The following ZNF492 variants were observed in gnomAD, a reference collection of about 807,000 sequenced individuals.
The protein encoded by ZNF492 is zinc finger protein 115 (Y20).
ZNF492 carries 3 observed loss-of-function variants against 6.4 expected under a neutral mutation model. That is an observed-to-expected ratio of 0.47 (90% CI 0.21 to 1.22). The LOEUF is 1.22. ZNF492 is among the 50% of genes most tolerant of loss of function. ZNF492 has a pLI of 0.22. For synonymous variants in ZNF492, 112 were observed against 205.3 expected, an observed-to-expected ratio of 0.55 and a Z score of 3.89; for missense variants, 356 against 612.5, an observed-to-expected ratio of 0.58 and a Z score of 4.42.
intron 3 of ZNF492, among the ~76,000 whole-genome samples, chr19:22,654,575 A>G (rs980828617): frequency 6.4e-5 from 9 of 141,342 alleles, no homozygotes; most frequent in East Asian, 2.1e-4. Flanking sequence ...TTGTAAGTCT[A>G]TGTGAGAATT....
intron 1 of ZNF492, among the ~76,000 whole-genome samples, chr19:22,638,062 CTT>C (rs200800574): frequency 6.6e-6 from 1 of 151,746 alleles, no homozygotes; most frequent in African/African-American, 2.4e-5. Flanking sequence ...CTTTTTAGGT[CTT>C]TTTTTTCCTG....
intron 3 of ZNF492, among the ~76,000 whole-genome samples, chr19:22,662,177 T>C (rs917766608): frequency 8.3e-4 from 127 of 152,148 alleles, no homozygotes; most frequent in African/African-American, 2.8e-3. Context: ...AGTGAGAACA[T>C]GTGGTGTTTG....
At chr19:22,643,230 T>A (rs73030508) in intron 1 of ZNF492, among the ~76,000 whole-genome samples, 1 of 151,846 alleles carries the variant, frequency 6.6e-6, no homozygotes. Context: ...GCGCACATCT[T>A]GTCACTGCAC....
chr19:22,650,391 T>C (rs968988691), intron 1 of ZNF492, among the ~76,000 whole-genome samples: 1 of 151,626 alleles, frequency 6.6e-6, no homozygotes, highest in African/African-American at 2.4e-5. Flanking sequence ...TCTCACCCAG[T>C]TGGGTGGCAT....
At chr19:22,654,749 G>A (rs546897269) in intron 3 of ZNF492, among the ~76,000 whole-genome samples, 6 of 150,792 alleles carry the variant, frequency 4.0e-5, no homozygotes, top group South Asian at 2.1e-4. Context: ...ATACAGGCGC[G>A]AGCCACCATG....
At chr19:22,647,634 A>G (rs941800759) in intron 1 of ZNF492, among the ~76,000 whole-genome samples, 9 of 137,702 alleles carry the variant, frequency 6.5e-5, no homozygotes, top group African/African-American at 2.2e-4. Context: ...TTTCATGTCT[A>G]TCTCCTTCAG....
intron 3 of ZNF492, 56 bp downstream of exon 3, chr19:22,654,071 GAAAA>G: frequency 3.5e-6 from 4 of 1,158,288 alleles, no homozygotes; most frequent in South Asian, 1.9e-5. Context: ...CTCCAAAGTA[GAAAA>G]AAAAAAAAGC....
At chr19:22,636,562 GTGTA>G (rs1457617936) in intron 1 of ZNF492, among the ~76,000 whole-genome samples, 1 of 149,454 alleles carries the variant, frequency 6.7e-6, no homozygotes, top group Non-Finnish European at 1.5e-5. Flanking sequence ...GTGTGCGTGT[GTGTA>G]TGTGTGTTTT....
At chr19:22,648,738 G>A (rs1420598628) in intron 1 of ZNF492, among the ~76,000 whole-genome samples, 1 of 152,156 alleles carries the variant, frequency 6.6e-6, no homozygotes, top group Admixed American at 6.5e-5. Context: ...TTGGTTTAAA[G>A]TCTGTTTTGT....
At chr19:22,650,793 A>T (rs1176606230) in intron 1 of ZNF492, among the ~76,000 whole-genome samples, 1 of 152,134 alleles carries the variant, frequency 6.6e-6, no homozygotes, top group East Asian at 1.9e-4. Context: ...AAGCATGGCC[A>T]GGAGCTATAG....
intron 3 of ZNF492, among the ~76,000 whole-genome samples, chr19:22,662,025 G>T (rs1244411568): frequency 6.6e-6 from 1 of 151,998 alleles, no homozygotes; most frequent in Admixed American, 6.6e-5. Context: ...CATGTGCCCA[G>T]CGTGCAGTTA....
Position 22,665,314 on chromosome 19 carries a change from G to A in ZNF492, c.*49G>A, listed in dbSNP as rs1229005389. 1.3e-6 allele frequency: 2 copies of A among 1,496,036 alleles called. No homozygotes were observed. The highest frequency in any genetic ancestry group is 4.9e-5 in the East Asian group (2 of 41,198). The allele number at this position is 1,496,036 out of a possible 1,614,324, so 92.7% of individuals were successfully genotyped here. A position where few individuals can be genotyped will look rare whatever the true frequency, so the allele number is the denominator to read the frequency against. On this transcript the variant is annotated 3_prime_UTR_variant, in exon 4 of 4. Transcript: ENST00000456783. ...CTTTAAATGGTTATCACACTGGATTGTAGGTAAGGTAATTCATTCTGGAGA... is the reference window on the plus strand; with the variant it reads ...CTTTAAATGGTTATCACACTGGATTATAGGTAAGGTAATTCATTCTGGAGA...
At chr19:22,656,871 A>G (rs1247759136) in intron 3 of ZNF492, among the ~76,000 whole-genome samples, 1 of 152,070 alleles carries the variant, frequency 6.6e-6, no homozygotes, top group African/African-American at 2.4e-5. Flanking sequence ...TATTTTGGAG[A>G]TGGGTTCTTG....
At chr19:22,642,681 G>A (rs879428989) in intron 1 of ZNF492, among the ~76,000 whole-genome samples, 15 of 151,966 alleles carry the variant, frequency 9.9e-5, no homozygotes, top group African/African-American at 3.6e-4. Context: ...AAGCGACCGC[G>A]CACGGCCTTG....
intron 3 of ZNF492, among the ~76,000 whole-genome samples, chr19:22,656,999 C>G (rs1470633451): frequency 1.3e-5 from 2 of 152,080 alleles, no homozygotes; most frequent in Admixed American, 1.3e-4. Context: ...AATTTTCTTG[C>G]TGTCAGAAAA....
chr19:22,651,556 C>T (rs1190227293), intron 1 of ZNF492, among the ~76,000 whole-genome samples: 1 of 151,694 alleles, frequency 6.6e-6, no homozygotes, highest in Non-Finnish European at 1.5e-5. Context: ...TATTTCTTTC[C>T]TACATACCAG....
chr19:22,653,014 A>ATG (rs1400897932), intron 1 of ZNF492, among the ~76,000 whole-genome samples: 1 of 151,670 alleles, frequency 6.6e-6, no homozygotes, highest in Non-Finnish European at 1.5e-5. Flanking sequence ...TATGATGTAA[A>ATG]TGTAGCACTC....
chr19:22,659,857 G>A (rs1031382339), intron 3 of ZNF492, among the ~76,000 whole-genome samples: 36 of 151,758 alleles, frequency 2.4e-4, no homozygotes, highest in Admixed American at 8.5e-4. Context: ...GTAGAGTCAG[G>A]GTTTCACCAT....
At chr19:22,640,920 T>C (rs1466525264) in intron 1 of ZNF492, among the ~76,000 whole-genome samples, 1 of 152,194 alleles carries the variant, frequency 6.6e-6, no homozygotes, top group African/African-American at 2.4e-5. Flanking sequence ...GTGTTCATAG[T>C]AGACTTCAAT....
Sources: allele counts gnomAD v4.1 joint callset (sites outside exome capture counted in the v4.1 genomes callset), GRCh38; gene constraint gnomAD v4.1.1; transcripts MANE v1.5; gene names NCBI Gene and HGNC (gene_info 2026-07-23, HGNC 2026-07-21).